PDE4A: variants seen among roughly 807,000 people sequenced by gnomAD.
The protein encoded by PDE4A is 3',5'-cyclic-AMP phosphodiesterase 4A.
In PDE4A, 21 loss-of-function variants were observed where a neutral mutation model predicts 73.9. That is an observed-to-expected ratio of 0.28 (90% confidence interval 0.20 to 0.41). The LOEUF (loss-of-function observed/expected upper bound fraction) is 0.41. Ranked by LOEUF, PDE4A falls within the 10% of genes least tolerant of loss-of-function variation. The probability of loss-of-function intolerance (pLI) is 1.00; values close to 1 mark genes in which losing one functional copy is unlikely to be tolerated. For missense variants in PDE4A, 958 were observed against 1,211.4 expected, an observed-to-expected ratio of 0.79 and a Z score of 3.10; for synonymous variants, 463 against 505.4, an observed-to-expected ratio of 0.92 and a Z score of 1.13.
At chr19:10,441,845 A>G (rs2042943382) in intron 1 of PDE4A, among the ~76,000 whole-genome samples, 1 of 151,028 alleles carries the variant, frequency 6.6e-6, no homozygotes, top group Non-Finnish European at 1.5e-5. Flanking sequence ...ACCCACCACT[A>G]CGCCCGGCTA....
chr19:10,453,931 G>T lies in PDE4A; in HGVS notation c.784-898G>T, dbSNP rs1385946713. Among the ~76,000 whole-genome samples, 2 of 152,150 alleles carry T rather than the reference G, an allele frequency of 1.3e-5. No homozygotes were observed. The highest frequency in any genetic ancestry group is 2.9e-5 in the Non-Finnish European group (2 of 68,018). ...ACCCCGTCCAAGCCTGGGCCATGCA[G>T]GCTCACCCCTCCTGCCAAGTGTCCC... On this transcript the variant is annotated intron_variant, in intron 6 of 14. Transcript: ENST00000380702. The surrounding 1 kb of genome is among the most constrained non-coding windows in gnomAD (Gnocchi z 4.6).
At chr19:10,449,202 G>C (rs569923505) in intron 4 of PDE4A, 52 bp downstream of exon 4, 5 of 1,580,994 alleles carry the variant, frequency 3.2e-6, no homozygotes, top group Admixed American at 1.7e-5. Flanking sequence ...AAGCATATGC[G>C]GGTTCTGCTC....
chr19:10,419,115 G>A (rs2042615290), upstream of PDE4A: 42 of 976,384 alleles, frequency 4.3e-5, no homozygotes, highest in Non-Finnish European at 4.9e-5. Context: ...GAGGGCGGTG[G>A]CAAACGGCAT....
intron 9 of PDE4A, 28 bp downstream of exon 9, chr19:10,459,526 G>A (rs200762789): frequency 9.0e-5 from 145 of 1,611,542 alleles, no homozygotes; most frequent in South Asian, 7.1e-4. Flanking sequence ...GAGTGGGCCC[G>A]GGTGAGGGGC....
chr19:10,450,673 G>T, intron 5 of PDE4A, 21 bp downstream of exon 5: 2 of 1,602,058 alleles, frequency 1.2e-6, no homozygotes, highest in East Asian at 2.2e-5. Context: ...CCAGAGGGGT[G>T]GGAAGGGGCC....
At chr19:10,445,791 C>A (rs1233841829) in intron 1 of PDE4A, among the ~76,000 whole-genome samples, 3 of 147,374 alleles carry the variant, frequency 2.0e-5, no homozygotes, top group Non-Finnish European at 4.5e-5. Context: ...AAAAAAAATT[C>A]TCCACCTGAA....
upstream of PDE4A, chr19:10,416,812 C>A (rs1599389540): frequency 6.6e-7 from 1 of 1,518,858 alleles, no homozygotes; most frequent in Non-Finnish European, 8.8e-7. Context: ...GTGGCGGGGG[C>A]GGGTTCTAGG....
At position 10,454,840 on chromosome 19, in the gene PDE4A, G is replaced by A; in HGVS notation, c.795G>A (p.Met265Ile). 2 of 1,614,068 alleles carry A rather than the reference G, an allele frequency of 1.2e-6. No individual in the cohort carries two copies. Among genetic ancestry groups the A allele is most frequent in the Non-Finnish European group, 1.7e-6 (2 of 1,179,956 alleles). ...SEMASHKFKRMLNRELTHLSE... is the reference protein window; with the variant it reads ...SEMASHKFKRILNRELTHLSE... ...CTCCTTTACCTTAGTTCAAAAGGAT[G>A]TTGAACCGTGAGCTCACACACCTGT... Residue 265 changes from methionine to isoleucine, a missense_variant, in exon 7 of 15, where the codon ATG becomes ATA. Met to Ile is a conservative substitution (Grantham distance 10). Coordinates refer to ENST00000380702, the MANE Select transcript of PDE4A (RefSeq NM_001111307.2).
chr19:10,423,157 C>CT (rs61513692), intron 1 of PDE4A: 149,633 of 742,740 alleles, frequency 0.2, 4,132 homozygotes, highest in East Asian at 0.36. Context: ...AACCCTTTCT[C>CT]TTTTTTTTTT....
At chr19:10,441,453 C>T (rs1225234000) in intron 1 of PDE4A, among the ~76,000 whole-genome samples, 1 of 151,460 alleles carries the variant, frequency 6.6e-6, no homozygotes, top group African/African-American at 2.4e-5. Context: ...GATGGGGTCT[C>T]ACTATATTGC....
chr19:10,456,212 G>A (rs1336500361), intron 7 of PDE4A, among the ~76,000 whole-genome samples: 1 of 151,664 alleles, frequency 6.6e-6, no homozygotes, highest in Non-Finnish European at 1.5e-5. Flanking sequence ...GCAACATAGT[G>A]AGAATCTGTC....
rs1363764089 is a variant in PDE4A, at chr19:10,442,815, C to G, written c.321-3403C>G. Among the ~76,000 whole-genome samples the G allele has an allele frequency of 2.0e-5, 3 of 147,880 alleles. No homozygotes were observed. The South Asian group carries it at 6.3e-4, about 31-fold the overall frequency. ...AATATATGTAATATTACTAATATTA[C>G]ATATATAATATCAGTAATATTATAT... On this transcript the variant is annotated intron_variant, in intron 1 of 14. Coordinates refer to ENST00000380702, the MANE Select transcript of PDE4A (RefSeq NM_001111307.2).
chr19:10,432,561 AGATCTGTCAGGTGGGTGG>A, intron 1 of PDE4A: 1 of 1,523,190 alleles, frequency 6.6e-7, no homozygotes, highest in Admixed American at 2.1e-5. Flanking sequence ...CCCTCCGGGC[AGATCTGTCAGGTGGGTGG>A]CCCGTGGCCA....
At position 10,446,377 on chromosome 19, in the gene PDE4A, C is replaced by T. The variant is rs1599429669; in HGVS notation, c.480C>T (p.Thr160=). 6.2e-7 allele frequency: 1 copy of T among 1,613,246 alleles called. No individual in the cohort carries two copies. The highest frequency in any genetic ancestry group is 8.5e-7 in the Non-Finnish European group (1 of 1,179,372). Residue 160 remains threonine, a synonymous_variant, in exon 2 of 15, where the codon ACC becomes ACT. Transcript: ENST00000380702. ...SDSDYDMSPK[T]MSRNSSVTSE... is the part of the protein sequence containing the mutation. ...GCGACTATGACATGTCACCCAAGAC[C>T]ATGTCCCGGAACTCATCGGTCACCA...
Position 10,424,734 on chromosome 19 carries a change from C to T in PDE4A, c.320+3650C>T, listed in dbSNP as rs762976985. Among the ~76,000 whole-genome samples, 2 of 152,260 alleles carry T rather than the reference C, an allele frequency of 1.3e-5. No individual in the cohort carries two copies. Among genetic ancestry groups the T allele is most frequent in the Non-Finnish European group, 2.9e-5 (2 of 68,038 alleles). On this transcript the variant is annotated intron_variant, in intron 1 of 14. Coordinates refer to ENST00000380702, the MANE Select transcript of PDE4A (RefSeq NM_001111307.2). This position sits in a 1 kb window ranked among gnomAD's most constrained non-coding sequence, Gnocchi z 4.8. ...CCCATGCGCCAGCCCCTGCCACACG[C>T]TGCGGGGACTGTCGTCTGGAGGACA...
At chr19:10,439,710 A>C (rs1275164581) in intron 1 of PDE4A, among the ~76,000 whole-genome samples, 1 of 152,092 alleles carries the variant, frequency 6.6e-6, no homozygotes, top group East Asian at 1.9e-4. Context: ...AGAGGCTGAG[A>C]GACGGGGTGG....
intron 2 of PDE4A, 44 bp downstream of exon 2, chr19:10,446,453 C>A: frequency 6.3e-7 from 1 of 1,579,512 alleles, no homozygotes; most frequent in Middle Eastern, 1.7e-4. Flanking sequence ...CAGGCCTGGT[C>A]CTGCTGGAAG....
intron 1 of PDE4A, chr19:10,432,354 A>C: frequency 7.7e-7 from 1 of 1,292,280 alleles, no homozygotes; most frequent in South Asian, 2.5e-5. Flanking sequence ...GGCCGCAGAC[A>C]CCTTGGGCCT....
intron 1 of PDE4A, chr19:10,428,976 A>T: frequency 1.5e-6 from 1 of 654,450 alleles, no homozygotes; most frequent in South Asian, 6.9e-5. Context: ...ATTGTGGCAC[A>T]TGCCTGTAAT....
Sources: allele counts gnomAD v4.1 joint callset (sites outside exome capture counted in the v4.1 genomes callset), GRCh38; gene constraint gnomAD v4.1.1; non-coding constraint Gnocchi (gnomAD v3.1); transcripts MANE v1.5; gene names NCBI Gene and HGNC (gene_info 2026-07-23, HGNC 2026-07-21).